Variants in MAP4K5 observed in about 807,000 individuals in gnomAD.
MAP4K5 encodes mitogen-activated protein kinase kinase kinase kinase 5, also known as MAPK/ERK kinase kinase kinase 5.
In MAP4K5, 82 loss-of-function variants were observed where a neutral mutation model predicts 135.6. The observed-to-expected ratio is 0.60, with a 90% CI of 0.51 to 0.73. MAP4K5 has a LOEUF of 0.73. MAP4K5 is among the 30% of genes least tolerant of loss of function. MAP4K5 has a pLI of 0.00. For missense variants in MAP4K5, 907 were observed against 1,010.9 expected (o/e 0.90, Z 1.39); for synonymous variants, 347 against 335.0 (o/e 1.04, Z -0.39).
At chr14:50,558,377 GATA>G (rs1282159962) in intron 1 of MAP4K5, among the ~76,000 whole-genome samples, 1 of 152,112 alleles carries the variant, frequency 6.6e-6, no homozygotes, top group Non-Finnish European at 1.5e-5. Flanking sequence ...ACAAACAACA[GATA>G]ATGATTTTAA....
intron 2 of MAP4K5, among the ~76,000 whole-genome samples, chr14:50,521,780 T>C (rs1043169329): frequency 6.6e-6 from 1 of 152,138 alleles, no homozygotes; most frequent in African/African-American, 2.4e-5. Flanking sequence ...TTAACAGAAA[T>C]AAAATTATAT....
At chr14:50,549,624 C>T (rs116573272) in intron 1 of MAP4K5, among the ~76,000 whole-genome samples, 1 of 152,274 alleles carries the variant, frequency 6.6e-6, no homozygotes, top group Admixed American at 6.5e-5. Flanking sequence ...CTCTTAGTTT[C>T]ATATATGGCA....
intron 2 of MAP4K5, among the ~76,000 whole-genome samples, chr14:50,505,850 T>C (rs557034406): frequency 6.6e-6 from 1 of 152,344 alleles, no homozygotes; most frequent in South Asian, 2.1e-4. Context: ...GGATGTTACA[T>C]ATAGTCTTTT....
rs1021292775 is a variant in MAP4K5, at chr14:50,460,996, G to C, written c.936+1669C>G. Reference sequence around the variant, plus strand: ...TGGCCTAATACTTGGCATACATTGAGTACCCAATGAGTGCTAGTAGTTACT... The same window carrying C: ...TGGCCTAATACTTGGCATACATTGACTACCCAATGAGTGCTAGTAGTTACT... On this transcript the variant is annotated intron_variant, in intron 13 of 32. Coordinates refer to ENST00000682126, the MANE Select transcript of MAP4K5 (RefSeq NM_006575.6). Among the ~76,000 whole-genome samples, 15 of 152,206 alleles carry C rather than the reference G, an allele frequency of 9.9e-5. No individual in the cohort carries two copies. The East Asian group carries it at 2.7e-3, about 27-fold the overall frequency.
upstream of MAP4K5, among the ~76,000 whole-genome samples, chr14:50,536,640 A>T (rs1319161894): frequency 6.6e-6 from 1 of 152,202 alleles, no homozygotes; most frequent in Non-Finnish European, 1.5e-5. Context: ...GCTAATAGTG[A>T]TATAACAATA....
intron 9 of MAP4K5, among the ~76,000 whole-genome samples, chr14:50,470,268 C>T (rs2139845154): frequency 6.6e-6 from 1 of 152,142 alleles, no homozygotes; most frequent in South Asian, 2.1e-4. Context: ...GAGAGTGTGG[C>T]CCTCTTAAGA....
At chr14:50,520,250 G>A (rs982425242) in intron 2 of MAP4K5, among the ~76,000 whole-genome samples, 18 of 152,170 alleles carry the variant, frequency 1.2e-4, no homozygotes, top group African/African-American at 4.1e-4. Context: ...TGTAATCCTA[G>A]CACTTTAGGA....
chr14:50,560,473 A>ACGTAC, intron 1 of MAP4K5: 1 of 826,434 alleles, frequency 1.2e-6, no homozygotes, highest in Non-Finnish European at 1.9e-6. Context: ...GCCGAGCGGT[A>ACGTAC]CCCGCGTCAC....
intron 2 of MAP4K5, among the ~76,000 whole-genome samples, chr14:50,526,880 T>C (rs186153712): frequency 6.6e-6 from 1 of 152,322 alleles, no homozygotes; most frequent in African/African-American, 2.4e-5. Flanking sequence ...CTAATTCATC[T>C]AGCATCCAGA....
At chr14:50,457,996 C>T (rs1404924893) in intron 13 of MAP4K5, among the ~76,000 whole-genome samples, 1 of 152,160 alleles carries the variant, frequency 6.6e-6, no homozygotes, top group Non-Finnish European at 1.5e-5. Flanking sequence ...ATCAATCATG[C>T]TGGAGGAAAA....
In MAP4K5 at chr14:50,476,266, T is replaced by C; in HGVS notation, c.419A>G (p.Asp140Gly). ...YLHTKGKMHR[D>G]IKGANILLTD... ...TGTATTAAATGAACTTACTTTGATA[T>C]CTCTATGCATTTTGCCTTTAGTATG... Residue 140 changes from aspartate to glycine, a missense_variant, in exon 7 of 33, where the codon GAT becomes GGT. Physicochemically the swap from Asp to Gly is moderately conservative, Grantham distance 94 (BLOSUM62 -1). Coordinates refer to ENST00000682126, the MANE Select transcript of MAP4K5 (RefSeq NM_006575.6). The C allele has an allele frequency of 6.7e-7, 1 of 1,496,546 alleles. No homozygotes were observed. The highest frequency in any genetic ancestry group is 1.4e-5 in the African/African-American group (1 of 70,392). The allele number at this position is 1,496,546 out of a possible 1,614,324, so 92.7% of individuals were successfully genotyped here.
At chr14:50,539,776 T>C (rs2038538123) in intron 2 of MAP4K5, among the ~76,000 whole-genome samples, 1 of 152,240 alleles carries the variant, frequency 6.6e-6, no homozygotes, top group African/African-American at 2.4e-5. Context: ...AGATTTGCTC[T>C]GTTGACTTGA....
chr14:50,478,031 A>C (rs1458478302), intron 6 of MAP4K5, among the ~76,000 whole-genome samples: 1 of 152,048 alleles, frequency 6.6e-6, no homozygotes, highest in Non-Finnish European at 1.5e-5. Context: ...TAGGATTGGC[A>C]TTATTTCTTT....
intron 1 of MAP4K5, among the ~76,000 whole-genome samples, chr14:50,545,669 G>A (rs1484349865): frequency 6.6e-6 from 1 of 152,162 alleles, no homozygotes; most frequent in African/African-American, 2.4e-5. Context: ...GTTAAGGGAG[G>A]AGCTGCAGTT....
intron 13 of MAP4K5, among the ~76,000 whole-genome samples, chr14:50,460,862 G>A (rs1394355943): frequency 6.6e-6 from 1 of 151,346 alleles, no homozygotes; most frequent in African/African-American, 2.4e-5. Context: ...TTTCCTATTG[G>A]CCATATGATG....
intron 1 of MAP4K5, among the ~76,000 whole-genome samples, chr14:50,546,837 GTT>G (rs34495619): frequency 6.6e-6 from 1 of 151,908 alleles, no homozygotes; most frequent in Non-Finnish European, 1.5e-5. Flanking sequence ...TGTGTTTAAG[GTT>G]TTTTTTTAAT....
chr14:50,450,367 C>G (rs1466455712), intron 14 of MAP4K5: 1 of 152,114 alleles, frequency 6.6e-6, no homozygotes, highest in East Asian at 1.9e-4. Context: ...AGGCAATGCA[C>G]CACAGACACC....
At chr14:50,431,286 G>T (rs1238464016) in intron 28 of MAP4K5, among the ~76,000 whole-genome samples, 2 of 151,656 alleles carry the variant, frequency 1.3e-5, no homozygotes, top group African/African-American at 4.8e-5. Flanking sequence ...AAGTTTTAGG[G>T]TACATGTGCA....
intron 1 of MAP4K5, among the ~76,000 whole-genome samples, chr14:50,556,031 T>G (rs978160977): frequency 6.6e-6 from 1 of 152,160 alleles, no homozygotes; most frequent in Non-Finnish European, 1.5e-5. Flanking sequence ...GAATAGTTTG[T>G]GGAGTAACAT....
Sources: allele counts gnomAD v4.1 joint callset (sites outside exome capture counted in the v4.1 genomes callset), GRCh38; gene constraint gnomAD v4.1.1; transcripts MANE v1.5; gene names NCBI Gene and HGNC (gene_info 2026-07-23, HGNC 2026-07-21).